Variants in SMU1 observed in about 807,000 individuals in gnomAD.
SMU1 encodes the protein SMU1 DNA replication regulator and spliceosomal factor.
Under a neutral mutation model 62.0 loss-of-function variants are expected in SMU1, and 2 were observed. The ratio of observed to expected loss-of-function variants is 0.03; its 90% confidence interval spans 0.01 to 0.10. The LOEUF (loss-of-function observed/expected upper bound fraction) is 0.10. Among genes scored for constraint, SMU1 ranks in the 10% least tolerant of loss-of-function variants. SMU1 has a pLI of 1.00. For missense variants in SMU1, 227 were observed against 622.1 expected (o/e 0.36, Z 6.76); for synonymous variants, 188 against 212.4 (o/e 0.89, Z 1.00).
At chr9:33,061,949 TC>T in intron 5 of SMU1, 99 bp downstream of exon 5, 1 of 1,263,820 alleles carries the variant, frequency 7.9e-7, no homozygotes, top group Admixed American at 2.2e-5. Flanking sequence ...GAATGAGTTC[TC>T]CCCCTCAATT....
At chr9:33,047,435 T>C (rs1456862791) in intron 11 of SMU1, 44 bp from the exon 12 acceptor site, 4 of 1,533,052 alleles carry the variant, frequency 2.6e-6, no homozygotes, top group African/African-American at 2.8e-5. Flanking sequence ...AGATCTGCAA[T>C]AAATCACTCT....
intron 10 of SMU1, among the ~76,000 whole-genome samples, chr9:33,050,527 A>T: frequency 8.7e-6 from 1 of 114,558 alleles, no homozygotes; most frequent in East Asian, 2.7e-4. Flanking sequence ...TTAAGCACTT[A>T]AAAAAAAAAA....
At chr9:33,052,756 G>T (rs1437020654) in intron 10 of SMU1, among the ~76,000 whole-genome samples, 4 of 152,204 alleles carry the variant, frequency 2.6e-5, no homozygotes, top group African/African-American at 9.6e-5. Flanking sequence ...ACTTTAGATC[G>T]TGGTAGCTGG....
intron 4 of SMU1, among the ~76,000 whole-genome samples, chr9:33,062,538 C>CA (rs1241230619): frequency 1.3e-5 from 2 of 152,182 alleles, no homozygotes; most frequent in African/African-American, 4.8e-5. Context: ...CTTCCCCCCC[C>CA]ACATATGTGT....
chr9:33,052,169 T>G (rs561290725), intron 10 of SMU1, among the ~76,000 whole-genome samples: 1 of 152,090 alleles, frequency 6.6e-6, no homozygotes, highest in Non-Finnish European at 1.5e-5. Context: ...TATATCTAAA[T>G]AAGATCTGTA....
chr9:33,053,432 A>G (rs7041702), intron 9 of SMU1, 142 bp from the exon 10 acceptor site: 197,706 of 792,206 alleles, frequency 0.25, 25,814 homozygotes, highest in Middle Eastern at 0.31. Flanking sequence ...TTTAGGTCCA[A>G]TCAAATACCC....
chr9:33,048,652 A>G (rs1448944947), intron 10 of SMU1, among the ~76,000 whole-genome samples: 3 of 152,220 alleles, frequency 2.0e-5, no homozygotes, highest in Non-Finnish European at 4.4e-5. Context: ...CCCATACAGG[A>G]TGACACTCAG....
At position 33,073,608 on chromosome 9, in the gene SMU1, G is replaced by A; in HGVS notation, c.225C>T (p.Asp75=). The A allele has an allele frequency of 6.2e-7, 1 of 1,610,834 alleles. No homozygotes were observed. Among genetic ancestry groups the A allele is most frequent in the Non-Finnish European group, 8.5e-7 (1 of 1,178,774 alleles). Residue 75 remains aspartate (D), a synonymous_variant, in exon 2 of 12, where the codon GAC becomes GAT. Transcript: ENST00000397149. ...CCACCACTCTTACCTGTTCATAGAG[G>A]TCAATGAGGGTTTTGTCTGGCAATT... ...SLKLPDKTLI[D]LYEQVVLELI...
At chr9:33,062,275 A>C in intron 4 of SMU1, 98 bp from the exon 5 acceptor site, 1 of 1,482,774 alleles carries the variant, frequency 6.7e-7, no homozygotes. Flanking sequence ...AGGTTCAGAG[A>C]AAGCTGTGAG....
intron 3 of SMU1, 67 bp downstream of exon 3, chr9:33,071,673 A>T (rs1839488719): frequency 2.0e-6 from 3 of 1,494,082 alleles, no homozygotes; most frequent in Admixed American, 2.3e-5. Flanking sequence ...TAAAAAAAAA[A>T]AAAAAAGATC....
chr9:33,057,302 AAGTT>A (rs1317354554), intron 7 of SMU1, among the ~76,000 whole-genome samples: 1 of 152,208 alleles, frequency 6.6e-6, no homozygotes, highest in Non-Finnish European at 1.5e-5. Flanking sequence ...CTTAAAAAAA[AAGTT>A]AGTTATTTTG....
chr9:33,074,447 C>CA lies in SMU1; in HGVS notation c.27-642dup, dbSNP rs1267539541. Among the ~76,000 whole-genome samples the CA allele has an allele frequency of 2.3e-4, 35 of 150,166 alleles. No individual in the cohort carries two copies. In the East Asian group the frequency reaches 2.5e-3, roughly 11 times the overall value. On this transcript the variant is annotated intron_variant, in intron 1 of 11. Transcript: ENST00000397149. ...GACCCCTTCTCTACACACACACACA[C>CA]ACAAAAAAAAAAATTAGCTAGGCAT...
chr9:33,073,642 T>C lies in SMU1; in HGVS notation c.191A>G (p.Gln64Arg). ...GHWDTVLQAI[Q>R]SLKLPDKTLI... The stretch of plus-strand genomic sequence containing the variant: ...GGTTTTGTCTGGCAATTTCAGAGAC[T>C]GTATAGCCTGCAACACAGTATCCCA... The change falls in exon 2 of 12, where the codon CAG (glutamine) becomes CGG (arginine). Residue 64 changes from glutamine to arginine, a missense_variant. Physicochemically the swap from Gln to Arg is conservative, Grantham distance 43. Transcript: ENST00000397149. 2 of 1,612,922 alleles carry C rather than the reference T, an allele frequency of 1.2e-6. No homozygotes were observed. The highest frequency in any genetic ancestry group is 1.7e-6 in the Non-Finnish European group (2 of 1,179,856).
intron 5 of SMU1, among the ~76,000 whole-genome samples, chr9:33,061,484 CTG>C (rs1409496472): frequency 1.3e-5 from 2 of 152,036 alleles, no homozygotes; most frequent in Non-Finnish European, 2.9e-5. Context: ...TCCAGAGAAA[CTG>C]TAATATAGAG....
At chr9:33,048,035 C>G (rs1839205208) in intron 11 of SMU1, 71 bp downstream of exon 11, 1 of 1,450,698 alleles carries the variant, frequency 6.9e-7, no homozygotes, top group East Asian at 2.3e-5. Context: ...GGAAAAGGCA[C>G]ATACTTCAGA....
At chr9:33,056,364 T>C (rs1337599678) in intron 8 of SMU1, 125 bp from the exon 9 acceptor site, 3 of 966,422 alleles carry the variant, frequency 3.1e-6, no homozygotes, top group Non-Finnish European at 4.4e-6. Flanking sequence ...AAGAGGGCTA[T>C]GTGATTGTGT....
chr9:33,067,190 G>A (rs1391806083), intron 4 of SMU1, among the ~76,000 whole-genome samples: 2 of 149,410 alleles, frequency 1.3e-5, no homozygotes. Context: ...TGAACCAAAA[G>A]TTGTGATACA....
At position 33,042,320 on chromosome 9, in the gene SMU1, C is replaced by A. The variant is rs1308977625; in HGVS notation, c.*4973G>T. 1 of 152,798 alleles carries A rather than the reference C, an allele frequency of 6.5e-6. No individual in the cohort carries two copies. The highest frequency in any genetic ancestry group is 1.5e-5 in the Non-Finnish European group (1 of 68,080). 9.5% of individuals were successfully genotyped at this position (152,798 alleles called of 1,614,324 possible). ...ACTATGTAAGCAGCCATATTTAATTCTCAGAACAATGTAATGAGGGAGAGC... is the reference window on the plus strand; with the variant it reads ...ACTATGTAAGCAGCCATATTTAATTATCAGAACAATGTAATGAGGGAGAGC... On this transcript the variant is annotated 3_prime_UTR_variant, in exon 12 of 12. Coordinates refer to ENST00000397149, the MANE Select transcript of SMU1 (RefSeq NM_018225.3).
In SMU1 at chr9:33,062,203, A is replaced by T. The variant is rs1018163218; in HGVS notation, c.502-26T>A. On this transcript the variant is annotated intron_variant, in intron 4 of 11. Transcript: ENST00000397149. Reference sequence around the variant, plus strand: ...CTATGAGGAAAAAAAAAAATATAGCAATCTGTTCAGGTGCTTTTAAGATCT... The same window carrying T: ...CTATGAGGAAAAAAAAAAATATAGCTATCTGTTCAGGTGCTTTTAAGATCT... 2.5e-6 allele frequency: 4 copies of T among 1,597,292 alleles called. No individual in the cohort carries two copies. In the African/African-American group the frequency reaches 4.0e-5, roughly 16 times the overall value.
Sources: gnomAD v4.1 joint callset for allele counts (sites outside exome capture counted in the v4.1 genomes callset) on GRCh38, gnomAD v4.1.1 for gene constraint, MANE v1.5 for transcripts, NCBI Gene and HGNC (gene_info 2026-07-23, HGNC 2026-07-21) for gene names.